PTPRT: variants seen among roughly 807,000 people sequenced by gnomAD.
The protein encoded by PTPRT is protein tyrosine phosphatase receptor type T.
PTPRT carries 56 observed loss-of-function variants against 176.8 expected under a neutral mutation model. The ratio of observed to expected loss-of-function variants is 0.32; its 90% CI spans 0.26 to 0.40. PTPRT has a LOEUF of 0.40. PTPRT is among the 10% of genes least tolerant of loss of function. The pLI is 1.00. For synonymous variants in PTPRT, 783 were observed against 739.0 expected (o/e 1.06, Z -0.96); for missense variants, 1,540 against 1,908.2 (o/e 0.81, Z 3.60).
chr20:42,167,641 G>GGAAGAGGAGAGAAGTTTTGAGGT (rs1989885689), intron 16 of PTPRT, among the ~76,000 whole-genome samples: 4 of 152,202 alleles, frequency 2.6e-5, no homozygotes, highest in Non-Finnish European at 4.4e-5. Context: ...GAGAGAGTCT[G>GGAAGAGGAGAGAAGTTTTGAGGT]GAAGAGGAGA....
intron 7 of PTPRT, among the ~76,000 whole-genome samples, chr20:42,501,777 C>G (rs1365739918): frequency 1.3e-5 from 2 of 152,128 alleles, no homozygotes; most frequent in African/African-American, 4.8e-5. Flanking sequence ...TTTATACCCC[C>G]ACTTCTCTAG....
chr20:42,323,173 C>T (rs1380087769), intron 11 of PTPRT, among the ~76,000 whole-genome samples: 21 of 152,270 alleles, frequency 1.4e-4, no homozygotes, highest in Admixed American at 5.2e-4. Flanking sequence ...GACTGTAATC[C>T]AGTTCAACCA....
chr20:42,612,279 A>G (rs2073988048), intron 7 of PTPRT, among the ~76,000 whole-genome samples: 1 of 152,202 alleles, frequency 6.6e-6, no homozygotes, highest in South Asian at 2.1e-4. Context: ...TTCTCCACAC[A>G]TCCACCGAGC....
intron 1 of PTPRT, among the ~76,000 whole-genome samples, chr20:42,923,487 C>T (rs1465692601): frequency 1.3e-5 from 2 of 152,330 alleles, no homozygotes; most frequent in Non-Finnish European, 2.9e-5. Flanking sequence ...CTGCACATTA[C>T]TTTCCAGGTG....
chr20:42,736,930 T>C (rs1342589616), intron 6 of PTPRT, among the ~76,000 whole-genome samples: 1 of 152,226 alleles, frequency 6.6e-6, no homozygotes, highest in African/African-American at 2.4e-5. Flanking sequence ...TGCAGACCTC[T>C]GTATGGGCAT....
chr20:43,168,128 C>T (rs2014903408), intron 1 of PTPRT, among the ~76,000 whole-genome samples: 1 of 152,196 alleles, frequency 6.6e-6, no homozygotes, highest in Non-Finnish European at 1.5e-5. Flanking sequence ...AGTCTCTGCA[C>T]ACCTCTCGCT....
At chr20:42,746,878 C>T (rs1600692511) in intron 6 of PTPRT, among the ~76,000 whole-genome samples, 1 of 152,200 alleles carries the variant, frequency 6.6e-6, no homozygotes, top group East Asian at 1.9e-4. Flanking sequence ...GATCCATATG[C>T]AGGGCTCTTG....
At chr20:42,840,929 G>A (rs1314163608) in intron 2 of PTPRT, among the ~76,000 whole-genome samples, 1 of 152,084 alleles carries the variant, frequency 6.6e-6, no homozygotes, top group African/African-American at 2.4e-5. Flanking sequence ...TCTCCTTATT[G>A]TTCATGGAGT....
At chr20:42,497,524 C>T (rs1037377030) in intron 7 of PTPRT, among the ~76,000 whole-genome samples, 9 of 152,002 alleles carry the variant, frequency 5.9e-5, no homozygotes, top group Admixed American at 6.6e-5. Context: ...TTCAAGCGAT[C>T]CTCCTGCCTC....
At chr20:42,421,450 G>A (rs1955033092) in intron 9 of PTPRT, among the ~76,000 whole-genome samples, 1 of 152,126 alleles carries the variant, frequency 6.6e-6, no homozygotes, top group Admixed American at 6.5e-5. Flanking sequence ...GAAACCAGGA[G>A]ACGTTGACAG....
intron 11 of PTPRT, among the ~76,000 whole-genome samples, chr20:42,343,075 T>C (rs780849273): frequency 6.6e-6 from 1 of 152,140 alleles, no homozygotes; most frequent in Non-Finnish European, 1.5e-5. Context: ...CCACACCCTG[T>C]GCACCATGCC....
chr20:43,093,076 G>T (rs747778041), intron 1 of PTPRT, among the ~76,000 whole-genome samples: 2 of 152,178 alleles, frequency 1.3e-5, no homozygotes, highest in Non-Finnish European at 2.9e-5. Context: ...CCCAAGGAAG[G>T]TTCATTATTA....
At chr20:42,263,224 CTT>C (rs2056779877) in intron 13 of PTPRT, among the ~76,000 whole-genome samples, 2 of 151,552 alleles carry the variant, frequency 1.3e-5, no homozygotes, top group Admixed American at 1.3e-4. Context: ...TTTTTCTTTT[CTT>C]TTCTTTTTTT....
In PTPRT at chr20:42,106,775, CT is replaced by C; in HGVS notation, c.3390+10del. 6.2e-7 allele frequency: 1 copy of C among 1,612,848 alleles called. No individual in the cohort carries two copies. The highest frequency in any genetic ancestry group is 8.5e-7 in the Non-Finnish European group (1 of 1,179,262). On this transcript the variant is annotated intron_variant, in intron 24 of 30. Coordinates refer to ENST00000373187, the MANE Select transcript of PTPRT (RefSeq NM_007050.6). ...ACAGGTGGCCAACTGTCTTGGCCCC[CT>C]AGGACTCACCTCTGTCTGTACCAGG...
intron 2 of PTPRT, among the ~76,000 whole-genome samples, chr20:42,847,843 T>A (rs8119162): frequency 0.031 from 4,713 of 152,168 alleles, 234 homozygotes; most frequent in African/African-American, 0.11. Flanking sequence ...CTTTAAAAAA[T>A]TTTTTCCATA....
intron 15 of PTPRT, among the ~76,000 whole-genome samples, chr20:42,217,423 ACAG>A (rs1568681341): frequency 3.4e-5 from 3 of 88,596 alleles, no homozygotes; most frequent in African/African-American, 2.0e-4. Flanking sequence ...ACACACACAC[ACAG>A]AACATTACGT....
At chr20:42,174,380 G>A (rs1990199590) in intron 16 of PTPRT, among the ~76,000 whole-genome samples, 1 of 151,698 alleles carries the variant, frequency 6.6e-6, no homozygotes, top group Admixed American at 6.6e-5. Flanking sequence ...CTGAGTTATA[G>A]ATAAAGGGAT....
At chr20:42,612,177 C>T (rs896015465) in intron 7 of PTPRT, among the ~76,000 whole-genome samples, 6 of 152,100 alleles carry the variant, frequency 3.9e-5, no homozygotes, top group Admixed American at 2.0e-4. Flanking sequence ...ATTTATGTGA[C>T]GCACACAGTT....
chr20:42,498,076 T>C (rs1007146273), intron 7 of PTPRT, among the ~76,000 whole-genome samples: 1 of 152,168 alleles, frequency 6.6e-6, no homozygotes, highest in African/African-American at 2.4e-5. Context: ...ACGGTGTTTT[T>C]CAAGGTTTAC....
Sources: allele counts gnomAD v4.1 joint callset (sites outside exome capture counted in the v4.1 genomes callset), GRCh38; gene constraint gnomAD v4.1.1; transcripts MANE v1.5; gene names NCBI Gene and HGNC (gene_info 2026-07-23, HGNC 2026-07-21).